TRIM24: variants seen among roughly 807,000 people sequenced by gnomAD.
TRIM24 encodes tripartite motif containing 24.
Under a neutral mutation model 123.9 loss-of-function variants are expected in TRIM24, and 29 were observed. The observed-to-expected ratio is 0.23, with a 90% confidence interval of 0.17 to 0.32. The LOEUF (loss-of-function observed/expected upper bound fraction) is 0.32, where lower values mean the gene tolerates loss of function less well. TRIM24 is among the 10% of genes least tolerant of loss of function. The probability of loss-of-function intolerance (pLI) is 1.00; values close to 1 mark genes in which losing one functional copy is unlikely to be tolerated. For synonymous variants in TRIM24, 456 were observed against 461.1 expected, an observed-to-expected ratio of 0.99 and a Z score of 0.14; for missense variants, 932 against 1,295.3, an observed-to-expected ratio of 0.72 and a Z score of 4.31.
At chr7:138,576,521 T>C in intron 13 of TRIM24, 76 bp downstream of exon 13, 2 of 1,263,962 alleles carry the variant, frequency 1.6e-6, no homozygotes, top group Non-Finnish European at 2.3e-6. Flanking sequence ...TCAACATGTT[T>C]TGATACTCAA....
At position 138,488,617 on chromosome 7, in the gene TRIM24, T is replaced by C. The variant is rs1795704694; in HGVS notation, c.365-15673T>C. 2.0e-5 allele frequency among the ~76,000 whole-genome samples: 3 copies of C among 152,338 alleles called. No individual in the cohort carries two copies. In the South Asian group the frequency reaches 6.2e-4, roughly 32 times the overall value. ...CATTTTGTTATGTACCCAGTAATCATTTAGGAGCAGGTTGTTCAGTTTTCA... is the reference window on the plus strand; with the variant it reads ...CATTTTGTTATGTACCCAGTAATCACTTAGGAGCAGGTTGTTCAGTTTTCA... On this transcript the variant is annotated intron_variant, in intron 1 of 18. Coordinates refer to ENST00000343526, the MANE Select transcript of TRIM24 (RefSeq NM_015905.3).
intron 7 of TRIM24, among the ~76,000 whole-genome samples, chr7:138,547,046 G>A (rs1358134460): frequency 6.6e-6 from 1 of 152,156 alleles, no homozygotes. Context: ...GTATTCAACA[G>A]ATAAATGGAT....
chr7:138,463,054 T>TTG (rs1795046443), intron 1 of TRIM24, among the ~76,000 whole-genome samples: 4 of 142,090 alleles, frequency 2.8e-5, no homozygotes, highest in Non-Finnish European at 4.6e-5. Context: ...TTTTTTTTTT[T>TTG]TTTTTTTTTT....
intron 1 of TRIM24, among the ~76,000 whole-genome samples, chr7:138,465,617 G>A (rs1372272192): frequency 1.3e-5 from 2 of 152,222 alleles, no homozygotes; most frequent in East Asian, 1.9e-4. Context: ...TACAAGATAC[G>A]TAACTATTCT....
At position 138,463,043 on chromosome 7, in the gene TRIM24, G is replaced by GTTTTTT. The variant is rs57719141; in HGVS notation, c.364+2152_364+2157dup. On this transcript the variant is annotated intron_variant, in intron 1 of 18. Transcript: ENST00000343526. ...CGCCACCACGTCCGGCTAATTTTGT[G>GTTTTTT]TTTTTTTTTTTTTTTTTTTTTTTTT... 1.8e-4 allele frequency among the ~76,000 whole-genome samples: 11 copies of GTTTTTT among 60,136 alleles called. 2 individuals carry two copies. The highest frequency in any genetic ancestry group is 1.2e-3 in the East Asian group (2 of 1,642). 39.5% of individuals were successfully genotyped at this position (60,136 alleles called of 152,430 possible).
At chr7:138,544,307 T>C (rs1283428333) in intron 7 of TRIM24, among the ~76,000 whole-genome samples, 2 of 152,236 alleles carry the variant, frequency 1.3e-5, no homozygotes, top group East Asian at 3.8e-4. Context: ...TCACTTACCA[T>C]AGTGTCCTCA....
At chr7:138,573,049 C>CCTAT (rs1341310146) in intron 11 of TRIM24, among the ~76,000 whole-genome samples, 5 of 152,130 alleles carry the variant, frequency 3.3e-5, no homozygotes, top group Non-Finnish European at 4.4e-5. Flanking sequence ...TCCACTAGGT[C>CCTAT]CTATCTATCT....
rs1268985029 is a variant in TRIM24, at chr7:138,585,454, A to G, written c.*503A>G. 2 of 297,066 alleles carry G rather than the reference A, an allele frequency of 6.7e-6. No individual in the cohort carries two copies. The highest frequency in any genetic ancestry group is 1.3e-5 in the Non-Finnish European group (2 of 156,506). The allele number at this position is 297,066 out of a possible 1,614,324, so 18.4% of individuals were successfully genotyped here. A position where few individuals can be genotyped will look rare whatever the true frequency, so the allele number is the denominator to read the frequency against. On this transcript the variant is annotated 3_prime_UTR_variant, in exon 19 of 19. Coordinates refer to ENST00000343526, the MANE Select transcript of TRIM24 (RefSeq NM_015905.3). ...TACTGAAGAACAGTACTCCACAAAC[A>G]TGGGTGGTAACAAGAGTTCCATCCC...
At chr7:138,582,742 T>G (rs1024074175) in intron 17 of TRIM24, among the ~76,000 whole-genome samples, 1 of 152,180 alleles carries the variant, frequency 6.6e-6, no homozygotes, top group Non-Finnish European at 1.5e-5. Flanking sequence ...TTTTTTCATT[T>G]GTTCTACAGT....
In TRIM24 at chr7:138,580,555, C is replaced by CT. The variant is rs1797870830; in HGVS notation, c.2586-6dup. ...TAGGAATTCAAAAGTACATTGTCCCCTAACAGTGGAGAGTGGATTTGCACT... is the reference window on the plus strand; with the variant it reads ...TAGGAATTCAAAAGTACATTGTCCCCTTAACAGTGGAGAGTGGATTTGCACT... On this transcript the variant is annotated splice_region_variant and splice_polypyrimidine_tract_variant and intron_variant, in intron 15 of 18. Transcript: ENST00000343526. The CT allele has an allele frequency of 6.2e-7, 1 of 1,608,078 alleles. No individual in the cohort carries two copies. Among genetic ancestry groups the CT allele is most frequent in the Admixed American group, 1.7e-5 (1 of 59,166 alleles).
At chr7:138,539,021 A>T (rs543772496) in intron 7 of TRIM24, among the ~76,000 whole-genome samples, 6 of 152,268 alleles carry the variant, frequency 3.9e-5, no homozygotes, top group African/African-American at 1.4e-4. Context: ...CTTTCCAAGT[A>T]TTCACTGTCT....
At chr7:138,479,516 C>CA in intron 1 of TRIM24, among the ~76,000 whole-genome samples, 1 of 151,986 alleles carries the variant, frequency 6.6e-6, no homozygotes, top group East Asian at 1.9e-4. Context: ...GGGCGTGTGT[C>CA]ACCATGCCTG....
Position 138,460,870 on chromosome 7 carries a change from C to T in TRIM24, c.322C>T (p.Pro108Ser). The change falls in exon 1 of 19, where the codon CCC becomes TCC. Residue 108 changes from proline to serine, a missense_variant. By Grantham distance (74) the Pro-to-Ser change is moderately conservative. Transcript: ENST00000343526. ...SAETPPPVPAPGSPVSGSSPF... is the reference protein window; with the variant it reads ...SAETPPPVPASGSPVSGSSPF... ...CGAGACCCCGCCACCCGTCCCTGCC[C>T]CCGGCTCGCCGGTCAGCGGCTCGTC... is the stretch of plus-strand genomic sequence containing the variant. 1.3e-6 allele frequency: 2 copies of T among 1,542,996 alleles called. No individual in the cohort carries two copies. The highest frequency in any genetic ancestry group is 2.6e-5 in the East Asian group (1 of 38,308).
chr7:138,536,751 G>A (rs1200049827), intron 6 of TRIM24, among the ~76,000 whole-genome samples: 1 of 152,234 alleles, frequency 6.6e-6, no homozygotes, highest in Non-Finnish European at 1.5e-5. Context: ...CTGTCAGACA[G>A]GGACATTTAA....
At chr7:138,542,352 G>A (rs992594378) in intron 7 of TRIM24, among the ~76,000 whole-genome samples, 4 of 152,146 alleles carry the variant, frequency 2.6e-5, no homozygotes, top group Non-Finnish European at 5.9e-5. Context: ...TGTTGTGTCT[G>A]AGACTACGGA....
intron 1 of TRIM24, chr7:138,461,265 C>A (rs762501687): frequency 2.6e-5 from 15 of 575,494 alleles, no homozygotes; most frequent in East Asian, 1.3e-4. Context: ...AGCCAGTTAA[C>A]TGCTACCCGC....
intron 2 of TRIM24, among the ~76,000 whole-genome samples, chr7:138,510,902 A>G (rs542590661): frequency 6.6e-6 from 1 of 152,266 alleles, no homozygotes; most frequent in South Asian, 2.1e-4. Context: ...AAAATCTATA[A>G]ACTTCTATCC....
At chr7:138,526,360 G>T (rs1796610099) in intron 5 of TRIM24, among the ~76,000 whole-genome samples, 2 of 151,952 alleles carry the variant, frequency 1.3e-5, no homozygotes, top group Non-Finnish European at 2.9e-5. Context: ...TCTTATATCT[G>T]TTTATTATTA....
intron 6 of TRIM24, among the ~76,000 whole-genome samples, chr7:138,529,963 A>G (rs1796695123): frequency 6.6e-6 from 1 of 152,214 alleles, no homozygotes; most frequent in Non-Finnish European, 1.5e-5. Context: ...TAATGTTTGA[A>G]GATTTGAGGA....
Sources: allele counts gnomAD v4.1 joint callset (sites outside exome capture counted in the v4.1 genomes callset), GRCh38; gene constraint gnomAD v4.1.1; transcripts MANE v1.5; gene names NCBI Gene and HGNC (gene_info 2026-07-23, HGNC 2026-07-21).